Variants in RPS6KC1 observed in about 807,000 individuals in gnomAD.
The protein encoded by RPS6KC1 is inactive ribosomal protein S6 kinase delta-1.
A neutral mutation model predicts 103.8 loss-of-function variants in RPS6KC1; 54 were observed. The observed-to-expected ratio is 0.52, with a 90% CI of 0.42 to 0.65. The LOEUF (loss-of-function observed/expected upper bound fraction) is 0.65, where lower values mean the gene tolerates loss of function less well. RPS6KC1 is among the 30% of genes least tolerant of loss of function. The pLI is 0.00. For synonymous variants in RPS6KC1, 439 were observed against 438.7 expected (o/e 1.00, Z -0.01); for missense variants, 1,151 against 1,253.8 (o/e 0.92, Z 1.24).
chr1:213,851,572 C>G, the RPS6KC1 span, among the ~76,000 whole-genome samples: 1 of 152,192 alleles, frequency 6.6e-6, no homozygotes, highest in Non-Finnish European at 1.5e-5. Context: ...ATCGCATTCA[C>G]TTCCTGAACT....
chr1:213,268,791 A>C (rs1043028523), intron 14 of RPS6KC1, among the ~76,000 whole-genome samples: 4 of 151,880 alleles, frequency 2.6e-5, no homozygotes, highest in African/African-American at 9.6e-5. Context: ...TTATAAGATA[A>C]GTGATATATT....
At chr1:213,387,072 G>A in the RPS6KC1 span, among the ~76,000 whole-genome samples, 37 of 152,336 alleles carry the variant, frequency 2.4e-4, no homozygotes, top group African/African-American at 8.7e-4. Context: ...ATATGGACAA[G>A]CTGGACACAG....
At chr1:213,750,993 A>C in the RPS6KC1 span, among the ~76,000 whole-genome samples, 1 of 152,180 alleles carries the variant, frequency 6.6e-6, no homozygotes, top group Non-Finnish European at 1.5e-5. Context: ...GTAATAATAA[A>C]TCCAAACCGT....
chr1:213,563,376 A>G, the RPS6KC1 span, among the ~76,000 whole-genome samples: 1 of 152,028 alleles, frequency 6.6e-6, no homozygotes, highest in Non-Finnish European at 1.5e-5. Context: ...CAGATTATAT[A>G]TCTGATTTTT....
the RPS6KC1 span, among the ~76,000 whole-genome samples, chr1:213,543,659 C>A: frequency 6.6e-6 from 1 of 152,224 alleles, no homozygotes; most frequent in Non-Finnish European, 1.5e-5. Flanking sequence ...GAGATCATCC[C>A]TTTTGTCTTC....
At chr1:213,724,391 T>C in the RPS6KC1 span, among the ~76,000 whole-genome samples, 1 of 152,222 alleles carries the variant, frequency 6.6e-6, no homozygotes, top group African/African-American at 2.4e-5. Flanking sequence ...TTTGTAGCTT[T>C]CTTAACTCTG....
At chr1:213,300,385 T>G in the RPS6KC1 span, among the ~76,000 whole-genome samples, 1 of 152,196 alleles carries the variant, frequency 6.6e-6, no homozygotes, top group African/African-American at 2.4e-5. Context: ...GAGGGTAAAC[T>G]CCAGCTTTTA....
chr1:213,158,301 A>T (rs963268395), intron 6 of RPS6KC1, among the ~76,000 whole-genome samples: 3 of 152,178 alleles, frequency 2.0e-5, no homozygotes, highest in Non-Finnish European at 2.9e-5. Context: ...AACAGGTAAG[A>T]TCTATCTTGT....
chr1:213,754,450 G>C, the RPS6KC1 span, among the ~76,000 whole-genome samples: 4 of 152,294 alleles, frequency 2.6e-5, no homozygotes, highest in South Asian at 8.3e-4. Flanking sequence ...GGTGGGGCCT[G>C]GGGGGAGGTG....
chr1:213,216,493 A>G (rs1205695959), intron 8 of RPS6KC1, among the ~76,000 whole-genome samples: 1 of 152,186 alleles, frequency 6.6e-6, no homozygotes, highest in Non-Finnish European at 1.5e-5. Context: ...ATACCCAGGA[A>G]TTGAACTCAG....
chr1:213,492,817 A>G, the RPS6KC1 span, among the ~76,000 whole-genome samples: 1 of 152,136 alleles, frequency 6.6e-6, no homozygotes, highest in Non-Finnish European at 1.5e-5. Context: ...CTGTGTGGGA[A>G]CTGCTGTTCC....
chr1:213,812,447 G>C, the RPS6KC1 span, among the ~76,000 whole-genome samples: 1 of 152,112 alleles, frequency 6.6e-6, no homozygotes, highest in Admixed American at 6.5e-5. Context: ...GAAAAAAATT[G>C]TTTTTAGGTG....
the RPS6KC1 span, among the ~76,000 whole-genome samples, chr1:213,769,795 A>G: frequency 6.6e-6 from 1 of 152,206 alleles, no homozygotes; most frequent in African/African-American, 2.4e-5. Context: ...CCCCAAATGA[A>G]AGCAATAATA....
the RPS6KC1 span, among the ~76,000 whole-genome samples, chr1:213,385,637 C>A: frequency 1.3e-5 from 2 of 152,126 alleles, no homozygotes; most frequent in Non-Finnish European, 2.9e-5. Context: ...GCATTATGGA[C>A]CTATGTACTG....
chr1:213,649,758 C>T, the RPS6KC1 span, among the ~76,000 whole-genome samples: 5 of 152,148 alleles, frequency 3.3e-5, no homozygotes, highest in Admixed American at 3.3e-4. Flanking sequence ...ACCTGCCTTC[C>T]TAGTACCGAG....
At chr1:213,421,442 A>G in the RPS6KC1 span, among the ~76,000 whole-genome samples, 1 of 152,210 alleles carries the variant, frequency 6.6e-6, no homozygotes, top group Admixed American at 6.5e-5. Flanking sequence ...AGAGGACACA[A>G]TTAAATCCTA....
chr1:213,417,860 G>A, the RPS6KC1 span, among the ~76,000 whole-genome samples: 1 of 152,140 alleles, frequency 6.6e-6, no homozygotes, highest in South Asian at 2.1e-4. Context: ...ACAACTCAGT[G>A]TTGTTTCCCT....
At chr1:213,857,502 C>G in the RPS6KC1 span, among the ~76,000 whole-genome samples, 1 of 152,150 alleles carries the variant, frequency 6.6e-6, no homozygotes, top group Non-Finnish European at 1.5e-5. Context: ...ATCATTTCAC[C>G]AGGACTCCTC....
intron 3 of RPS6KC1, among the ~76,000 whole-genome samples, chr1:213,092,769 C>A (rs1572473900): frequency 1.3e-5 from 2 of 152,090 alleles, no homozygotes; most frequent in Admixed American, 1.3e-4. Context: ...TTAGTAAGAT[C>A]CTGTGTATGT....
Sources: gnomAD v4.1 joint callset for allele counts (sites outside exome capture counted in the v4.1 genomes callset) on GRCh38, gnomAD v4.1.1 for gene constraint, MANE v1.5 for transcripts, NCBI Gene and HGNC (gene_info 2026-07-23, HGNC 2026-07-21) for gene names.